Variants in SUSD1 observed in about 807,000 individuals in gnomAD.
SUSD1 encodes the protein sushi domain containing 1.
Under a neutral mutation model 86.9 loss-of-function variants are expected in SUSD1, and 65 were observed. The observed-to-expected ratio is 0.75, with a 90% CI of 0.61 to 0.92. The LOEUF is 0.92. Ranked by LOEUF, SUSD1 falls within the 40% of genes least tolerant of loss-of-function variation. The pLI, the probability that SUSD1 is intolerant of heterozygous loss-of-function variation, is 0.00. For missense variants in SUSD1, 850 were observed against 929.7 expected, an observed-to-expected ratio of 0.91 and a Z score of 1.11; for synonymous variants, 346 against 350.0, an observed-to-expected ratio of 0.99 and a Z score of 0.13.
At chr9:112,078,970 C>T (rs1829649927) in intron 11 of SUSD1, among the ~76,000 whole-genome samples, 1 of 151,964 alleles carries the variant, frequency 6.6e-6, no homozygotes, top group African/African-American at 2.4e-5. Flanking sequence ...CATGCCACCA[C>T]ATCCAGCTAA....
rs778162744 is a variant in SUSD1 at position 112,052,386 on chromosome 9, A to T, written c.2149+13T>A. 12 of 1,613,938 alleles carry T rather than the reference A, an allele frequency of 7.4e-6. No homozygotes were observed. The highest frequency in any genetic ancestry group is 5.1e-6 in the Non-Finnish European group (6 of 1,180,006). On this transcript the variant is annotated intron_variant, in intron 15 of 16. Transcript: ENST00000374270. ...AAATAAGGACAGCATTCATAGGCAG[A>T]AAATAATTTTACCTTTCACCTGAGC...
chr9:112,071,262 G>C (rs1441168068), intron 12 of SUSD1, among the ~76,000 whole-genome samples: 1 of 152,166 alleles, frequency 6.6e-6, no homozygotes, highest in Non-Finnish European at 1.5e-5. Flanking sequence ...AGGAGTTTGA[G>C]ACCAGCCTGG....
At chr9:112,157,089 G>C (rs1025739171) in intron 2 of SUSD1, among the ~76,000 whole-genome samples, 2 of 152,150 alleles carry the variant, frequency 1.3e-5, no homozygotes, top group African/African-American at 2.4e-5. Flanking sequence ...CAAAGCAACA[G>C]TATTTTACCA....
chr9:112,153,012 T>C (rs1333544745), intron 2 of SUSD1, among the ~76,000 whole-genome samples: 1 of 152,116 alleles, frequency 6.6e-6, no homozygotes, highest in African/African-American at 2.4e-5. Flanking sequence ...GCATCTGTAA[T>C]CTCAGCACTT....
At chr9:112,041,813 G>C in intron 16 of SUSD1, 54 bp downstream of exon 16, 1 of 1,548,798 alleles carries the variant, frequency 6.5e-7, no homozygotes, top group East Asian at 2.4e-5. Context: ...TCGTGACTCT[G>C]ACCCATCCTC....
At chr9:112,077,347 G>A (rs1829561131) in intron 12 of SUSD1, among the ~76,000 whole-genome samples, 1 of 152,038 alleles carries the variant, frequency 6.6e-6, no homozygotes, top group Admixed American at 6.6e-5. Context: ...AGTGAAATAA[G>A]AATCAAGAAG....
At chr9:112,154,486 C>T (rs1458239076) in intron 2 of SUSD1, among the ~76,000 whole-genome samples, 1 of 152,092 alleles carries the variant, frequency 6.6e-6, no homozygotes, top group African/African-American at 2.4e-5. Flanking sequence ...ACACTCCAGC[C>T]TGGACAACAG....
intron 12 of SUSD1, among the ~76,000 whole-genome samples, chr9:112,077,499 C>CTTTTTTTT (rs869259276): frequency 1.1e-4 from 7 of 66,418 alleles, no homozygotes; most frequent in East Asian, 5.3e-4. Context: ...TAGTAATCTA[C>CTTTTTTTT]TTTTTTTTTT....
intron 9 of SUSD1, among the ~76,000 whole-genome samples, chr9:112,100,118 A>T (rs1191394421): frequency 6.6e-6 from 1 of 152,232 alleles, no homozygotes; most frequent in Non-Finnish European, 1.5e-5. Flanking sequence ...AACCGCTTTT[A>T]AATATTGACT....
chr9:112,138,237 G>GTATATA (rs375674193), intron 5 of SUSD1, among the ~76,000 whole-genome samples: 17 of 4,142 alleles, frequency 4.1e-3, no homozygotes, highest in African/African-American at 0.012. Flanking sequence ...AAAAAAATGT[G>GTATATA]TATATATATA....
intron 8 of SUSD1, 144 bp downstream of exon 8, chr9:112,111,510 G>A (rs934864516): frequency 4.6e-6 from 5 of 1,094,076 alleles, no homozygotes; most frequent in Non-Finnish European, 6.5e-6. Context: ...ACCTGCTCTA[G>A]TTCTGTGGCT....
At chr9:112,068,778 G>C (rs1303078869) in intron 12 of SUSD1, among the ~76,000 whole-genome samples, 1 of 151,936 alleles carries the variant, frequency 6.6e-6, no homozygotes, top group African/African-American at 2.4e-5. Flanking sequence ...AGGATGAATA[G>C]AAAAAGGGCA....
chr9:112,170,105 C>A (rs1411423215), intron 1 of SUSD1, among the ~76,000 whole-genome samples: 1 of 152,134 alleles, frequency 6.6e-6, no homozygotes, highest in East Asian at 1.9e-4. Flanking sequence ...ACCAGAAGAC[C>A]AAGAATACAC....
At chr9:112,144,448 G>A (rs1038903271) in intron 3 of SUSD1, among the ~76,000 whole-genome samples, 3 of 151,080 alleles carry the variant, frequency 2.0e-5, no homozygotes. Context: ...CAAAAGAATG[G>A]TCCCAACCTC....
At chr9:112,143,857 T>A (rs1589719945) in intron 3 of SUSD1, among the ~76,000 whole-genome samples, 2 of 152,214 alleles carry the variant, frequency 1.3e-5, no homozygotes, top group Admixed American at 1.3e-4. Flanking sequence ...TTTGTCAGTG[T>A]GTTCTGGGAT....
chr9:112,154,448 G>A (rs1354151131), intron 2 of SUSD1, among the ~76,000 whole-genome samples: 1 of 152,056 alleles, frequency 6.6e-6, no homozygotes, highest in East Asian at 1.9e-4. Context: ...GGGAGGTCGA[G>A]GCTGCAGTGA....
intron 8 of SUSD1, among the ~76,000 whole-genome samples, chr9:112,104,380 T>C (rs1484747340): frequency 6.6e-6 from 1 of 151,962 alleles, no homozygotes; most frequent in Non-Finnish European, 1.5e-5. Flanking sequence ...TATATACTAC[T>C]ATTGCTACTG....
intron 5 of SUSD1, among the ~76,000 whole-genome samples, chr9:112,135,639 T>C (rs965854439): frequency 2.0e-5 from 3 of 152,174 alleles, no homozygotes; most frequent in Non-Finnish European, 4.4e-5. Flanking sequence ...GAATGGAAAA[T>C]AAATAAATAA....
At chr9:112,112,024 G>A (rs1831122226) in intron 7 of SUSD1, 184 bp from the exon 8 acceptor site, 4 of 552,108 alleles carry the variant, frequency 7.2e-6, no homozygotes, top group South Asian at 2.8e-5. Flanking sequence ...TAAACCCCTA[G>A]AGGAGACATA....
Sources: gnomAD v4.1 joint callset for allele counts (sites outside exome capture counted in the v4.1 genomes callset) on GRCh38, gnomAD v4.1.1 for gene constraint, MANE v1.5 for transcripts, NCBI Gene and HGNC (gene_info 2026-07-23, HGNC 2026-07-21) for gene names.